Variants in NOX3 observed in about 807,000 individuals in gnomAD.
NOX3 encodes NADPH oxidase 3.
A neutral mutation model predicts 76.7 loss-of-function variants in NOX3; 74 were observed. That is an observed-to-expected ratio of 0.96 (90% CI 0.80 to 1.17). The LOEUF (loss-of-function observed/expected upper bound fraction) is 1.17, where lower values mean the gene tolerates loss of function less well. NOX3 is among the 50% of genes most tolerant of loss of function. The pLI is 0.00. For synonymous variants in NOX3, 263 were observed against 261.1 expected (o/e 1.01, Z -0.07); for missense variants, 695 against 703.3 (o/e 0.99, Z 0.13).
chr6:155,436,700 G>C (rs1281334455), intron 6 of NOX3, among the ~76,000 whole-genome samples, 153 bp from the exon 7 acceptor site: 1 of 152,074 alleles, frequency 6.6e-6, no homozygotes, highest in Non-Finnish European at 1.5e-5. Flanking sequence ...ATTTCCCCCA[G>C]CTTCTTTAAA....
intron 10 of NOX3, among the ~76,000 whole-genome samples, chr6:155,413,511 T>C (rs1776581420): frequency 6.6e-6 from 1 of 151,586 alleles, no homozygotes; most frequent in African/African-American, 2.4e-5. Flanking sequence ...ACCCAGGGTA[T>C]GGAGGGTGGG....
At chr6:155,423,563 A>G (rs938328450) in intron 9 of NOX3, among the ~76,000 whole-genome samples, 1 of 152,142 alleles carries the variant, frequency 6.6e-6, no homozygotes, top group Admixed American at 6.5e-5. Flanking sequence ...GCATGGTCCT[A>G]TGCAGACTGG....
At chr6:155,421,680 A>G (rs1776691433) in intron 10 of NOX3, among the ~76,000 whole-genome samples, 1 of 152,086 alleles carries the variant, frequency 6.6e-6, no homozygotes, top group Non-Finnish European at 1.5e-5. Flanking sequence ...TGCAGAGATG[A>G]TGTCTCTCTA....
In NOX3 at chr6:155,411,414, T is replaced by C; in HGVS notation, c.1309-54A>G. 2.0e-6 allele frequency: 3 copies of C among 1,519,674 alleles called. 1 individual carries two copies. The South Asian group carries it at 3.8e-5, about 19-fold the overall frequency. 94.1% of individuals were successfully genotyped at this position (1,519,674 alleles called of 1,614,324 possible). Reference sequence around the variant, plus strand: ...TCTATTCTCTTTTCATATGTGCTGATAATCACAGACTACTTTATCTCCATT... The same window carrying C: ...TCTATTCTCTTTTCATATGTGCTGACAATCACAGACTACTTTATCTCCATT... On this transcript the variant is annotated intron_variant, in intron 10 of 13. Transcript: ENST00000159060.
At chr6:155,437,548 C>G (rs565751579) in intron 6 of NOX3, among the ~76,000 whole-genome samples, 1 of 152,242 alleles carries the variant, frequency 6.6e-6, no homozygotes, top group African/African-American at 2.4e-5. Context: ...TTTATGGAAG[C>G]CATCCAAACT....
intron 6 of NOX3, 103 bp downstream of exon 6, chr6:155,439,853 C>T: frequency 6.0e-6 from 6 of 1,007,536 alleles, no homozygotes; most frequent in Non-Finnish European, 5.7e-6. Flanking sequence ...TATACGAGTC[C>T]TGTAGTCACC....
At chr6:155,445,202 G>A (rs568456711) in intron 4 of NOX3, among the ~76,000 whole-genome samples, 4 of 152,318 alleles carry the variant, frequency 2.6e-5, no homozygotes, top group African/African-American at 7.2e-5. Context: ...GATCAGATTC[G>A]TGTGTGAAAT....
intron 9 of NOX3, among the ~76,000 whole-genome samples, chr6:155,424,264 G>A (rs1429619601): frequency 2.0e-5 from 3 of 152,086 alleles, no homozygotes; most frequent in African/African-American, 7.2e-5. Flanking sequence ...ATTGATTTCT[G>A]TGTAGAGCTG....
Position 155,436,654 on chromosome 6 carries a change from T to C in NOX3, c.669-107A>G. 4 of 1,107,892 alleles carry C rather than the reference T, an allele frequency of 3.6e-6. No homozygotes were observed. The Admixed American group carries it at 8.1e-5, about 22-fold the overall frequency. The allele number at this position is 1,107,892 out of a possible 1,614,324, so 68.6% of individuals were successfully genotyped here. A position where few individuals can be genotyped will look rare whatever the true frequency, so the allele number is the denominator to read the frequency against. On this transcript the variant is annotated intron_variant, in intron 6 of 13. Transcript: ENST00000159060. ...ATATATCCTACAGTGAGCTCTGAAA[T>C]ATCACTTCCAGTTCTTGAAACTCGG... is the stretch of plus-strand genomic sequence containing the variant.
At chr6:155,412,163 C>T (rs1261412901) in intron 10 of NOX3, among the ~76,000 whole-genome samples, 3 of 152,212 alleles carry the variant, frequency 2.0e-5, no homozygotes, top group East Asian at 1.9e-4. Flanking sequence ...CTCTCTCTCT[C>T]GTGCCTTCTC....
intron 11 of NOX3, among the ~76,000 whole-genome samples, chr6:155,409,873 A>T (rs112349557): frequency 0.01 from 1,589 of 152,264 alleles, 28 homozygotes; most frequent in Non-Finnish European, 0.012. Flanking sequence ...AGGGGGCAGG[A>T]TTGTGTTGTC....
chr6:155,445,916 GATATATA>G (rs1340863556), intron 4 of NOX3, among the ~76,000 whole-genome samples: 5 of 135,008 alleles, frequency 3.7e-5, no homozygotes, highest in Non-Finnish European at 7.7e-5. Flanking sequence ...ATATGCTATA[GATATATA>G]ATATATATGC....
chr6:155,432,170 C>T (rs979994720), intron 7 of NOX3, among the ~76,000 whole-genome samples: 1 of 152,040 alleles, frequency 6.6e-6, no homozygotes, highest in African/African-American at 2.4e-5. Context: ...GTAAATTACT[C>T]TATCCATCAT....
intron 10 of NOX3, among the ~76,000 whole-genome samples, chr6:155,418,592 C>A (rs2064307): frequency 1.3e-5 from 2 of 151,938 alleles, no homozygotes; most frequent in Non-Finnish European, 2.9e-5. Flanking sequence ...ACTCCCCGCC[C>A]CCTCCCAGAT....
chr6:155,454,681 A>G (rs1777188172), intron 3 of NOX3, 130 bp downstream of exon 3: 12 of 603,374 alleles, frequency 2.0e-5, no homozygotes, highest in Admixed American at 1.8e-4. Context: ...CCTTTCTGTT[A>G]TCTCTAACAA....
At chr6:155,420,338 A>G (rs767680927) in intron 10 of NOX3, among the ~76,000 whole-genome samples, 2 of 152,218 alleles carry the variant, frequency 1.3e-5, no homozygotes, top group African/African-American at 2.4e-5. Context: ...TGTCGTGGAA[A>G]CCATGAAGCA....
intron 9 of NOX3, 46 bp downstream of exon 9, chr6:155,428,747 AC>A (rs755226488): frequency 6.9e-7 from 1 of 1,450,682 alleles, no homozygotes; most frequent in African/African-American, 1.4e-5. Context: ...AAGATACCTT[AC>A]TTTTTATAAT....
chr6:155,412,664 T>C (rs549553149), intron 10 of NOX3, among the ~76,000 whole-genome samples: 2 of 152,314 alleles, frequency 1.3e-5, no homozygotes, highest in East Asian at 1.9e-4. Context: ...TTCCTAGGGA[T>C]GATCTCTGCA....
chr6:155,440,339 AC>A (rs896359826), intron 5 of NOX3, among the ~76,000 whole-genome samples: 4 of 151,950 alleles, frequency 2.6e-5, no homozygotes, highest in African/African-American at 9.7e-5. Context: ...TTACTCTTCC[AC>A]CCCCTTCCCA....
Sources: allele counts gnomAD v4.1 joint callset (sites outside exome capture counted in the v4.1 genomes callset), GRCh38; gene constraint gnomAD v4.1.1; transcripts MANE v1.5; gene names NCBI Gene and HGNC (gene_info 2026-07-23, HGNC 2026-07-21).